Variants in SH3GL3 observed in about 807,000 individuals in gnomAD.
SH3GL3 encodes SH3 domain containing GRB2 like 3, endophilin A3, also known as endophilin-A3.
A neutral mutation model predicts 47.7 loss-of-function variants in SH3GL3; 33 were observed. The observed-to-expected ratio is 0.69, with a 90% CI of 0.52 to 0.92. The LOEUF (loss-of-function observed/expected upper bound fraction) is 0.92, where lower values mean the gene tolerates loss of function less well. SH3GL3 is among the 40% of genes least tolerant of loss of function. The pLI is 0.00. For missense variants in SH3GL3, 363 were observed against 417.8 expected (o/e 0.87, Z 1.14); for synonymous variants, 155 against 148.8 (o/e 1.04, Z -0.30).
intron 1 of SH3GL3, among the ~76,000 whole-genome samples, chr15:83,552,734 A>C (rs2044725913): frequency 6.6e-6 from 1 of 152,214 alleles, no homozygotes; most frequent in African/African-American, 2.4e-5. Context: ...TTGGTCATTC[A>C]GATAATCAAT....
chr15:83,517,490 G>C (rs1356235966), intron 1 of SH3GL3, among the ~76,000 whole-genome samples: 1 of 151,990 alleles, frequency 6.6e-6, no homozygotes, highest in Non-Finnish European at 1.5e-5. Flanking sequence ...ACAGGCGTGA[G>C]CCACCATGCC....
intron 1 of SH3GL3, among the ~76,000 whole-genome samples, chr15:83,522,417 AAACTCCATCTTCCGTAAGTG>A (rs936390494): frequency 6.6e-6 from 1 of 152,210 alleles, no homozygotes; most frequent in Admixed American, 6.5e-5. Context: ...AGTCTCCCTC[AAACTCCATCTTCCGTAAGTG>A]CTGGTGTGGG....
At chr15:83,508,457 T>G (rs1338435062) in intron 1 of SH3GL3, among the ~76,000 whole-genome samples, 1 of 151,210 alleles carries the variant, frequency 6.6e-6, no homozygotes, top group African/African-American at 2.4e-5. Context: ...GGAGTCAAGG[T>G]TGGTTAGGGA....
At chr15:83,606,302 A>G (rs979467582) in intron 8 of SH3GL3, among the ~76,000 whole-genome samples, 1 of 152,232 alleles carries the variant, frequency 6.6e-6, no homozygotes, top group African/African-American at 2.4e-5. Flanking sequence ...CTTCTAAGGC[A>G]GCTTGGAAAT....
intron 6 of SH3GL3, among the ~76,000 whole-genome samples, chr15:83,582,150 T>C (rs2059845218): frequency 6.6e-6 from 1 of 152,274 alleles, no homozygotes; most frequent in African/African-American, 2.4e-5. Flanking sequence ...TCACCTCTTC[T>C]GTCTTTGCAG....
At chr15:83,559,122 C>A in intron 1 of SH3GL3, 131 bp from the exon 2 acceptor site, 1 of 628,496 alleles carries the variant, frequency 1.6e-6, no homozygotes. Flanking sequence ...CAACAATTTT[C>A]TTAAAGGAGT....
chr15:83,519,021 G>A (rs1239345644), intron 1 of SH3GL3, among the ~76,000 whole-genome samples: 1 of 152,016 alleles, frequency 6.6e-6, no homozygotes, highest in Non-Finnish European at 1.5e-5. Context: ...CTGTTCCATT[G>A]GTCTACATAC....
downstream of SH3GL3, among the ~76,000 whole-genome samples, chr15:83,622,854 C>T (rs570152888): frequency 4.5e-4 from 68 of 152,228 alleles, no homozygotes; most frequent in Non-Finnish European, 8.4e-4. Context: ...CTTCTGGCAT[C>T]GCCTCTCCTA....
chr15:83,504,455 T>C (rs1258859834), intron 1 of SH3GL3, among the ~76,000 whole-genome samples: 4 of 152,198 alleles, frequency 2.6e-5, no homozygotes, highest in African/African-American at 9.6e-5. Flanking sequence ...AACAGTGCGA[T>C]GTTGTATTCC....
At chr15:83,573,141 G>T (rs757254998) in intron 5 of SH3GL3, among the ~76,000 whole-genome samples, 3 of 152,136 alleles carry the variant, frequency 2.0e-5, no homozygotes, top group Non-Finnish European at 4.4e-5. Flanking sequence ...TGTTAAAAAT[G>T]GCGTGCATGG....
At chr15:83,506,248 T>C (rs964928477) in intron 1 of SH3GL3, among the ~76,000 whole-genome samples, 1 of 152,246 alleles carries the variant, frequency 6.6e-6, no homozygotes, top group Non-Finnish European at 1.5e-5. Context: ...AAACCATTCA[T>C]CTGAAATTTT....
intron 8 of SH3GL3, among the ~76,000 whole-genome samples, chr15:83,610,711 T>TAGTGGTAC (rs2060637164): frequency 6.6e-6 from 1 of 152,064 alleles, no homozygotes; most frequent in Non-Finnish European, 1.5e-5. Flanking sequence ...GTCCTCAATT[T>TAGTGGTAC]CTCCATCCCT....
At chr15:83,614,545 A>G (rs1254869770) in intron 8 of SH3GL3, among the ~76,000 whole-genome samples, 1 of 152,102 alleles carries the variant, frequency 6.6e-6, no homozygotes, top group East Asian at 1.9e-4. Flanking sequence ...AGGAGAGGGG[A>G]GGATCATTTC....
intron 8 of SH3GL3, 66 bp downstream of exon 8, chr15:83,588,837 C>A: frequency 1.2e-6 from 1 of 830,138 alleles, no homozygotes; most frequent in Non-Finnish European, 2.1e-6. Context: ...CACTTATTTA[C>A]TGCTTGTTTC....
At chr15:83,539,494 A>C (rs1264958986) in intron 1 of SH3GL3, among the ~76,000 whole-genome samples, 1 of 152,182 alleles carries the variant, frequency 6.6e-6, no homozygotes, top group East Asian at 1.9e-4. Flanking sequence ...ATGAATTTTG[A>C]GGGGACGCAA....
intron 1 of SH3GL3, among the ~76,000 whole-genome samples, chr15:83,458,894 G>A (rs2040132781): frequency 6.6e-6 from 1 of 152,240 alleles, no homozygotes; most frequent in African/African-American, 2.4e-5. Context: ...ATGAAAGGGA[G>A]TTTATTAAGG....
At chr15:83,558,909 ATTG>A (rs1273772967) in intron 1 of SH3GL3, among the ~76,000 whole-genome samples, 1 of 152,030 alleles carries the variant, frequency 6.6e-6, no homozygotes, top group Non-Finnish European at 1.5e-5. Context: ...AATGGTTCTT[ATTG>A]TTCTTTTCTT....
At chr15:83,531,595 A>G (rs2043677670) in intron 1 of SH3GL3, among the ~76,000 whole-genome samples, 1 of 152,184 alleles carries the variant, frequency 6.6e-6, no homozygotes, top group Non-Finnish European at 1.5e-5. Flanking sequence ...TTTATTTTAA[A>G]GGTGATGGAA....
In SH3GL3 at chr15:83,572,620, C is replaced by T; in HGVS notation, c.387C>T (p.Asp129=). ...TGAAGCTAATGGCTGAGGTGAAAGA[C>T]TCTCTTGATATTAATGTAAAGCAAA... is the stretch of plus-strand genomic sequence containing the variant. ...ESMKLMAEVK[D]SLDINVKQTF... is the part of the protein sequence containing the mutation. Residue 129 remains aspartate, a synonymous_variant, in exon 5 of 9, where the codon GAC becomes GAT. Coordinates refer to ENST00000427482, the MANE Select transcript of SH3GL3 (RefSeq NM_003027.5). The T allele has an allele frequency of 1.2e-6, 2 of 1,610,376 alleles. No homozygotes were observed. Among genetic ancestry groups the T allele is most frequent in the East Asian group, 2.2e-5 (1 of 44,850 alleles).
Sources: gnomAD v4.1 joint callset for allele counts (sites outside exome capture counted in the v4.1 genomes callset) on GRCh38, gnomAD v4.1.1 for gene constraint, MANE v1.5 for transcripts, NCBI Gene and HGNC (gene_info 2026-07-23, HGNC 2026-07-21) for gene names.